Variants in ZIM2 observed in about 807,000 individuals in gnomAD.
ZIM2 encodes zinc finger imprinted 2, also known as zinc finger protein 656.
In ZIM2, 14 loss-of-function variants were observed where a neutral mutation model predicts 38.6. The ratio of observed to expected loss-of-function variants is 0.36; its 90% CI spans 0.24 to 0.57. The LOEUF is 0.57. ZIM2 is among the 20% of genes least tolerant of loss of function. The pLI is 0.81. For synonymous variants in ZIM2, 247 were observed against 245.8 expected (o/e 1.00, Z -0.04); for missense variants, 680 against 695.1 (o/e 0.98, Z 0.24).
chr19:56,837,035 T>C (rs915810474), intron 1 of ZIM2, among the ~76,000 whole-genome samples: 1 of 148,528 alleles, frequency 6.7e-6, no homozygotes, highest in African/African-American at 2.5e-5. Flanking sequence ...GCGTCATATG[T>C]GTCACTTTCC....
intron 9 of ZIM2, among the ~76,000 whole-genome samples, chr19:56,806,433 G>C (rs948718447): frequency 4.6e-5 from 7 of 152,106 alleles, no homozygotes; most frequent in Non-Finnish European, 8.8e-5. Context: ...GGGGAGGAGA[G>C]AGTAGAAGGC....
At position 56,816,291 on chromosome 19, in the gene ZIM2, C is replaced by A. The variant is rs745569093; in HGVS notation, c.490+1455G>T. 3.7e-6 allele frequency: 6 copies of A among 1,613,862 alleles called. No homozygotes were observed. The Admixed American group carries it at 6.7e-5, about 18-fold the overall frequency. The stretch of plus-strand genomic sequence containing the variant: ...CACTATGAATGACAGATTTCTCATA[C>A]CCTCTGCCTTCAAAGAGGTTCTTTC... On this transcript the variant is annotated intron_variant, in intron 9 of 12. Transcript: ENST00000629319.
chr19:56,782,282 C>T, intron 10 of ZIM2, 161 bp from the exon 11 acceptor site: 3 of 953,866 alleles, frequency 3.1e-6, no homozygotes, highest in Non-Finnish European at 3.0e-6. Flanking sequence ...GGGAACATTA[C>T]TGAAACAGTT....
At chr19:56,838,288 T>TC in intron 1 of ZIM2, among the ~76,000 whole-genome samples, 1 of 151,646 alleles carries the variant, frequency 6.6e-6, no homozygotes, top group Non-Finnish European at 1.5e-5. Context: ...GAGAAAGCCC[T>TC]CCCTCATGCC....
At chr19:56,815,998 T>C in intron 9 of ZIM2, 2 of 1,587,938 alleles carry the variant, frequency 1.3e-6, no homozygotes, top group Non-Finnish European at 1.7e-6. Context: ...AACTCTCTGA[T>C]GGTTGATAGC....
intron 9 of ZIM2, chr19:56,812,564 C>G: frequency 1.0e-6 from 1 of 985,714 alleles, no homozygotes. Flanking sequence ...TAAGCTGATG[C>G]TGCACAGGGG....
rs759739054 is a variant in ZIM2 at position 56,814,328 on chromosome 19, GGGCTGCTGCTGCTGC to G, written c.490+3403_490+3417del. 1.4e-5 allele frequency: 22 copies of G among 1,613,788 alleles called. No individual in the cohort carries two copies. Among genetic ancestry groups the G allele is most frequent in the African/African-American group, 1.3e-5 (1 of 74,882 alleles). On this transcript the variant is annotated intron_variant, in intron 9 of 12. Transcript: ENST00000629319. This position sits in a 1 kb window ranked among gnomAD's most constrained non-coding sequence, Gnocchi z 5.8. ...ACATGGACATTGGCTTCAACTTCCT[GGGCTGCTGCTGCTGC>G]AGCTGCTGCTGCTTCATCTTCTTCT...
intron 2 of ZIM2, among the ~76,000 whole-genome samples, chr19:56,832,395 G>A (rs979320685): frequency 1.1e-4 from 16 of 152,026 alleles, no homozygotes; most frequent in African/African-American, 2.9e-4. Flanking sequence ...GGGCTAACAC[G>A]CATCAAGCTC....
At chr19:56,823,820 C>G in intron 4 of ZIM2, 141 bp from the exon 5 acceptor site, 2 of 991,386 alleles carry the variant, frequency 2.0e-6, no homozygotes, top group Non-Finnish European at 3.0e-6. Context: ...GTTCAAAACC[C>G]TTCAGCGGCT....
rs940142062 is a variant in ZIM2, at chr19:56,774,561, T to A, written c.*127A>T. 2.4e-5 allele frequency: 33 copies of A among 1,390,572 alleles called. No individual in the cohort carries two copies. The highest frequency in any genetic ancestry group is 8.5e-5 in the South Asian group (5 of 59,110). The allele number at this position is 1,390,572 out of a possible 1,614,324, so 86.1% of individuals were successfully genotyped here. On this transcript the variant is annotated 3_prime_UTR_variant, in exon 13 of 13. Transcript: ENST00000629319. ...AAAATTGCAACTTTTTTTTTTTTTT[T>A]ACCACACTTTGATGAATGTTCAAGT... is the stretch of plus-strand genomic sequence containing the variant.
chr19:56,791,618 C>T (rs1189101042), intron 9 of ZIM2, among the ~76,000 whole-genome samples: 1 of 152,166 alleles, frequency 6.6e-6, no homozygotes, highest in East Asian at 1.9e-4. Context: ...CTTACATCTG[C>T]CTGTGTGCTT....
intron 11 of ZIM2, among the ~76,000 whole-genome samples, chr19:56,781,730 T>C (rs970281011): frequency 1.3e-5 from 2 of 152,194 alleles, no homozygotes; most frequent in East Asian, 3.9e-4. Context: ...TGAAATATGC[T>C]AAACACTTAC....
intron 9 of ZIM2, chr19:56,799,677 T>C (rs183715057): frequency 4.6e-5 from 7 of 152,292 alleles, no homozygotes; most frequent in Admixed American, 4.6e-4. Context: ...TTTTTAAGTA[T>C]TTACCCAAGA....
At chr19:56,836,657 G>A (rs962308162) in intron 1 of ZIM2, among the ~76,000 whole-genome samples, 4 of 152,086 alleles carry the variant, frequency 2.6e-5, no homozygotes, top group Admixed American at 2.6e-4. Flanking sequence ...ATTTTGGTGA[G>A]GTTAAAGAGC....
intron 1 of ZIM2, among the ~76,000 whole-genome samples, chr19:56,838,357 C>G (rs2062448391): frequency 6.6e-6 from 1 of 152,186 alleles, no homozygotes; most frequent in African/African-American, 2.4e-5. Flanking sequence ...CAACCTCGGG[C>G]GCCACCCTGT....
chr19:56,824,785 A>T, intron 3 of ZIM2: 1 of 891,110 alleles, frequency 1.1e-6, no homozygotes, highest in Non-Finnish European at 1.7e-6. Context: ...GAAGTTGAAG[A>T]CCAGGCAGCA....
In ZIM2 at chr19:56,814,908, A is replaced by G. The variant is rs1239652382; in HGVS notation, c.490+2838T>C. 1.2e-6 allele frequency: 2 copies of G among 1,614,168 alleles called. No individual in the cohort carries two copies. Among genetic ancestry groups the G allele is most frequent in the East Asian group, 4.5e-5 (2 of 44,882 alleles). The stretch of plus-strand genomic sequence containing the variant: ...GTTCATGGATTCTCTGATGCTCGAA[A>G]AGGAATGAGCTATGAATAAAAGATT... On this transcript the variant is annotated intron_variant, in intron 9 of 12. Coordinates refer to ENST00000629319, the MANE Select transcript of ZIM2 (RefSeq NM_001387356.1). The surrounding 1 kb of genome is among the most constrained non-coding windows in gnomAD (Gnocchi z 5.8).
At chr19:56,822,595 A>C in intron 6 of ZIM2, 158 bp downstream of exon 6, 1 of 938,604 alleles carries the variant, frequency 1.1e-6, no homozygotes, top group South Asian at 1.7e-5. Flanking sequence ...TACCGAGTGG[A>C]ACTTCAAAAA....
intron 10 of ZIM2, among the ~76,000 whole-genome samples, chr19:56,782,940 A>G (rs1298604892): frequency 6.6e-6 from 1 of 152,016 alleles, no homozygotes; most frequent in African/African-American, 2.4e-5. Flanking sequence ...CTATTGTGCT[A>G]TCAATAGTAG....
Sources: gnomAD v4.1 joint callset for allele counts (sites outside exome capture counted in the v4.1 genomes callset) on GRCh38, gnomAD v4.1.1 for gene constraint, Gnocchi (gnomAD v3.1) non-coding constraint, MANE v1.5 for transcripts, NCBI Gene and HGNC (gene_info 2026-07-23, HGNC 2026-07-21) for gene names.